The following SKP2 variants were observed in gnomAD, a reference collection of about 807,000 sequenced individuals.
The protein encoded by SKP2 is S-phase kinase-associated protein 2.
A neutral mutation model predicts 51.8 loss-of-function variants in SKP2; 16 were observed. That is an observed-to-expected ratio of 0.31 (90% CI 0.21 to 0.47). The LOEUF (loss-of-function observed/expected upper bound fraction) is 0.47, where lower values mean the gene tolerates loss of function less well. SKP2 is among the 20% of genes least tolerant of loss of function. SKP2 has a pLI of 1.00. For missense variants in SKP2, 377 were observed against 505.3 expected (o/e 0.75, Z 2.43); for synonymous variants, 176 against 198.6 (o/e 0.89, Z 0.96).
At chr5:36,166,450 T>G in intron 3 of SKP2, 69 bp from the exon 4 acceptor site, 1 of 1,359,846 alleles carries the variant, frequency 7.4e-7, no homozygotes, top group Non-Finnish European at 1.0e-6. Flanking sequence ...TACCTGTTAG[T>G]AATGTTGTTG....
chr5:36,167,692 C>T (rs921603708), intron 4 of SKP2, among the ~76,000 whole-genome samples: 1 of 152,030 alleles, frequency 6.6e-6, no homozygotes, highest in African/African-American at 2.4e-5. Flanking sequence ...GTGATCTCGG[C>T]TCATTGCAAC....
chr5:36,185,340 T>C (rs999873709), downstream of SKP2, among the ~76,000 whole-genome samples: 3 of 152,240 alleles, frequency 2.0e-5, no homozygotes, highest in African/African-American at 7.2e-5. Flanking sequence ...TGCCCATGCC[T>C]ATGTCCTGAA....
At chr5:36,188,929 C>G (rs1745980367), downstream of SKP2, among the ~76,000 whole-genome samples, 1 of 152,146 alleles carries the variant, frequency 6.6e-6, no homozygotes, top group African/African-American at 2.4e-5. Flanking sequence ...TTGTTCGTTT[C>G]TTTTTACTCT....
rs1167523067 is a variant in SKP2, at chr5:36,153,242, A to ATATG, written c.280+201_280+202insATGT. 3.0e-5 allele frequency among the ~76,000 whole-genome samples: 4 copies of ATATG among 132,918 alleles called. No individual in the cohort carries two copies. In the East Asian group the frequency reaches 8.7e-4, roughly 29 times the overall value. 87.2% of individuals were successfully genotyped at this position (132,918 alleles called of 152,430 possible). ...TATATATATATATATATATATATAT[A>ATATG]TGTATGTTCTGGTGCATAATCACCT... On this transcript the variant is annotated intron_variant, in intron 2 of 9. Transcript: ENST00000274255.
chr5:36,177,636 CT>C (rs201383999), intron 9 of SKP2, among the ~76,000 whole-genome samples: 2,757 of 143,048 alleles, frequency 0.019, 77 homozygotes, highest in African/African-American at 0.061. Context: ...GGGTTAGTGT[CT>C]TTTTTTTTTT....
chr5:36,176,632 A>G lies in SKP2; in HGVS notation c.902-333A>G, dbSNP rs145966272. Among the ~76,000 whole-genome samples the G allele has an allele frequency of 2.4e-3, 365 of 151,728 alleles. 3 individuals are homozygous for G. The highest frequency in any genetic ancestry group is 8.3e-3 in the African/African-American group (343 of 41,432). On this transcript the variant is annotated intron_variant, in intron 7 of 9. Transcript: ENST00000274255. ...ATCTGAGGTGCTACCTTTGTAATAT[A>G]TTGTTTGCTTATATATACTGGTGTT...
intron 2 of SKP2, among the ~76,000 whole-genome samples, chr5:36,154,545 A>G (rs1744878239): frequency 6.6e-6 from 1 of 152,108 alleles, no homozygotes; most frequent in African/African-American, 2.4e-5. Context: ...TTTAAATTTC[A>G]TATTTTCAAG....
chr5:36,190,365 T>G (rs1745996882), intron 6 of SKP2, among the ~76,000 whole-genome samples: 1 of 152,114 alleles, frequency 6.6e-6, no homozygotes, highest in African/African-American at 2.4e-5. Context: ...TGGAACCACC[T>G]CACCAGGCTT....
At chr5:36,188,621 C>T (rs1204816220), downstream of SKP2, among the ~76,000 whole-genome samples, 2 of 152,196 alleles carry the variant, frequency 1.3e-5, no homozygotes, top group Admixed American at 1.3e-4. Context: ...ATGGGCTTCC[C>T]TTTATGGGTA....
chr5:36,190,832 A>G (rs564858274), intron 6 of SKP2, among the ~76,000 whole-genome samples: 21 of 152,210 alleles, frequency 1.4e-4, no homozygotes, highest in African/African-American at 5.1e-4. Context: ...GACCCATAAT[A>G]TCATAACTAT....
intron 6 of SKP2, among the ~76,000 whole-genome samples, chr5:36,189,701 C>G (rs149011125): frequency 6.6e-6 from 1 of 152,342 alleles, no homozygotes; most frequent in African/African-American, 2.4e-5. Flanking sequence ...TGTCCATTCT[C>G]AGATCTCAAA....
chr5:36,166,212 A>C (rs923671280), intron 3 of SKP2, among the ~76,000 whole-genome samples: 3 of 152,168 alleles, frequency 2.0e-5, no homozygotes, highest in African/African-American at 7.2e-5. Flanking sequence ...AAATTTGTCA[A>C]CTTGAATGCT....
chr5:36,159,370 C>G (rs188288746), intron 2 of SKP2, among the ~76,000 whole-genome samples: 45 of 152,242 alleles, frequency 3.0e-4, no homozygotes, highest in African/African-American at 1.1e-3. Flanking sequence ...TAGAAAGCAC[C>G]AAGTTTGTTA....
At chr5:36,184,976 C>T (rs537412132), downstream of SKP2, among the ~76,000 whole-genome samples, 2 of 152,134 alleles carry the variant, frequency 1.3e-5, no homozygotes, top group Non-Finnish European at 2.9e-5. Flanking sequence ...GAGATGGTAT[C>T]TCATTGTGGT....
chr5:36,152,179 C>G lies in SKP2; in HGVS notation c.-84C>G, dbSNP rs1467293839. On this transcript the variant is annotated 5_prime_UTR_variant, in exon 1 of 10. Coordinates refer to ENST00000274255, the MANE Select transcript of SKP2 (RefSeq NM_005983.4). The stretch of plus-strand genomic sequence containing the variant: ...GGGGCCCGAGCAGCACGCTCGGAGC[C>G]GCCGCGCGCCAAAGCGGGAATCTGG... The G allele has an allele frequency of 6.7e-7, 1 of 1,482,510 alleles. No homozygotes were observed. Among genetic ancestry groups the G allele is most frequent in the East Asian group, 2.3e-5 (1 of 44,260 alleles). 91.8% of individuals were successfully genotyped at this position (1,482,510 alleles called of 1,614,324 possible).
chr5:36,179,222 T>C (rs1388241522), intron 9 of SKP2, among the ~76,000 whole-genome samples: 1 of 152,204 alleles, frequency 6.6e-6, no homozygotes, highest in African/African-American at 2.4e-5. Context: ...TACCTTATGC[T>C]TAAAAGTTTC....
chr5:36,154,634 T>G (rs1744882951), intron 2 of SKP2, among the ~76,000 whole-genome samples: 1 of 152,216 alleles, frequency 6.6e-6, no homozygotes, highest in Non-Finnish European at 1.5e-5. Context: ...ATTCGAACGA[T>G]TCTCCTGCCT....
At chr5:36,185,096 T>G (rs1049235045), downstream of SKP2, among the ~76,000 whole-genome samples, 3 of 152,352 alleles carry the variant, frequency 2.0e-5, no homozygotes, top group South Asian at 6.2e-4. Flanking sequence ...CTTTGCCCAC[T>G]TTTTGATGGG....
In SKP2 at chr5:36,152,846, G is replaced by A. The variant is rs1484793550; in HGVS notation, c.84G>A (p.Lys28=). Residue 28 remains lysine (K), a synonymous_variant, in exon 2 of 10, where the codon AAG becomes AAA. Coordinates refer to ENST00000274255, the MANE Select transcript of SKP2 (RefSeq NM_005983.4). ...TCACGTGGGGATGGGATTCCAGCAA[G>A]ACTTCTGAACTGCTGTCAGGCATGG... is the stretch of plus-strand genomic sequence containing the variant. ...TSFTWGWDSS[K]TSELLSGMGV... The A allele has an allele frequency of 1.2e-6, 2 of 1,614,150 alleles. No individual in the cohort carries two copies. The highest frequency in any genetic ancestry group is 3.3e-5 in the Admixed American group (2 of 60,030).
Sources: gnomAD v4.1 joint callset for allele counts (sites outside exome capture counted in the v4.1 genomes callset) on GRCh38, gnomAD v4.1.1 for gene constraint, MANE v1.5 for transcripts, NCBI Gene and HGNC (gene_info 2026-07-23, HGNC 2026-07-21) for gene names.